Variants in SGMS2 observed in about 807,000 individuals in gnomAD.
SGMS2 encodes sphingomyelin synthase 2, also known as phosphatidylcholine:ceramide cholinephosphotransferase 2.
In SGMS2, 21 loss-of-function variants were observed where a neutral mutation model predicts 43.8. That is an observed-to-expected ratio of 0.48 (90% CI 0.34 to 0.69). The LOEUF is 0.69. Among genes scored for constraint, SGMS2 ranks in the 30% least tolerant of loss-of-function variants. The probability of loss-of-function intolerance (pLI) is 0.01; values close to 1 mark genes in which losing one functional copy is unlikely to be tolerated. For synonymous variants in SGMS2, 167 were observed against 160.6 expected, an observed-to-expected ratio of 1.04 and a Z score of -0.30; for missense variants, 384 against 443.2, an observed-to-expected ratio of 0.87 and a Z score of 1.20.
At chr4:107,890,517 A>G (rs1730115038) in intron 2 of SGMS2, among the ~76,000 whole-genome samples, 1 of 152,094 alleles carries the variant, frequency 6.6e-6, no homozygotes, top group African/African-American at 2.4e-5. Flanking sequence ...TGTACTAAAC[A>G]TACAAAAATT....
intron 2 of SGMS2, among the ~76,000 whole-genome samples, chr4:107,880,843 G>C (rs1417670674): frequency 4.8e-5 from 6 of 123,930 alleles, no homozygotes; most frequent in Non-Finnish European, 9.6e-5. Flanking sequence ...GACATAGCGA[G>C]ACTGTCTCAA....
chr4:107,865,608 A>C (rs1343996759), intron 2 of SGMS2, among the ~76,000 whole-genome samples: 1 of 152,194 alleles, frequency 6.6e-6, no homozygotes, highest in Non-Finnish European at 1.5e-5. Flanking sequence ...TTGGCCTCTG[A>C]GCTCACCCAA....
chr4:107,902,462 T>C (rs1388163229), intron 4 of SGMS2, among the ~76,000 whole-genome samples: 1 of 152,122 alleles, frequency 6.6e-6, no homozygotes, highest in Non-Finnish European at 1.5e-5. Flanking sequence ...TGCCTACAGT[T>C]TGGACCAACT....
chr4:107,901,013 A>G (rs1731069526), intron 4 of SGMS2, among the ~76,000 whole-genome samples: 1 of 152,224 alleles, frequency 6.6e-6, no homozygotes, highest in Non-Finnish European at 1.5e-5. Flanking sequence ...CACAGAAAAG[A>G]AGGCAAACCC....
chr4:107,839,936 C>T lies in SGMS2; in HGVS notation c.-327+14683C>T, dbSNP rs1245648010. Reference sequence around the variant, plus strand: ...TAAGGTGATTGTGTGTCCTGGTTCACGCTAGTCACAGTGTATACCTATTGT... The same window carrying T: ...TAAGGTGATTGTGTGTCCTGGTTCATGCTAGTCACAGTGTATACCTATTGT... On this transcript the variant is annotated intron_variant, in intron 1 of 6. Transcript: ENST00000690982. Among the ~76,000 whole-genome samples, 8 of 152,210 alleles carry T rather than the reference C, an allele frequency of 5.3e-5. No individual in the cohort carries two copies. In the East Asian group the frequency reaches 5.8e-4, roughly 11 times the overall value.
intron 2 of SGMS2, among the ~76,000 whole-genome samples, chr4:107,877,961 G>T (rs1257058276): frequency 1.4e-5 from 2 of 140,462 alleles, no homozygotes; most frequent in African/African-American, 5.6e-5. Flanking sequence ...TGTCACCCAG[G>T]CTGGAGGGCA....
At position 107,896,474 on chromosome 4, in the gene SGMS2, T is replaced by G. The variant is rs540549904; in HGVS notation, c.455+466T>G. 4.6e-5 allele frequency among the ~76,000 whole-genome samples: 7 copies of G among 152,344 alleles called. No homozygotes were observed. In the South Asian group the frequency reaches 6.2e-4, roughly 14 times the overall value. On this transcript the variant is annotated intron_variant, in intron 3 of 6. Coordinates refer to ENST00000690982, the MANE Select transcript of SGMS2 (RefSeq NM_001375905.1). ...AGAGTCAATAGCCTGCTTTAAGGTT[T>G]GCCTAGATTCAATTCTCAAATTTTA...
chr4:107,862,814 A>T (rs1727832306), intron 2 of SGMS2, among the ~76,000 whole-genome samples: 1 of 152,190 alleles, frequency 6.6e-6, no homozygotes. Context: ...TGCCAAACAC[A>T]AACAAGTTGC....
In SGMS2 at chr4:107,895,624, A is replaced by T. The variant is rs1730599625; in HGVS notation, c.71A>T (p.Tyr24Phe). Residue 24 changes from tyrosine to phenylalanine, a missense_variant, in exon 3 of 7, where the codon TAT becomes TTT. Tyr to Phe is a conservative substitution (Grantham distance 22). Coordinates refer to ENST00000690982, the MANE Select transcript of SGMS2 (RefSeq NM_001375905.1). The stretch of plus-strand genomic sequence containing the variant: ...CAACCCAGTGATCCTACGAACACTT[A>T]TGCAAGACCCGCTGAACCTGTTGAA... ...ENQPSDPTNT[Y>F]ARPAEPVEEE... The T allele has an allele frequency of 1.2e-6, 2 of 1,613,942 alleles. No individual in the cohort carries two copies. Among genetic ancestry groups the T allele is most frequent in the Admixed American group, 3.3e-5 (2 of 59,978 alleles).
rs565065397 is a variant in SGMS2, at chr4:107,912,770, T to C, written c.*2217T>C. 215 of 152,310 alleles carry C rather than the reference T, an allele frequency of 1.4e-3. No individual in the cohort carries two copies. The highest frequency in any genetic ancestry group is 5.1e-3 in the African/African-American group (211 of 41,586). The allele number at this position is 152,310 out of a possible 1,614,324, so 9.4% of individuals were successfully genotyped here. On this transcript the variant is annotated 3_prime_UTR_variant, in exon 7 of 7. Transcript: ENST00000690982. ...GGATTTTAGTCAAGTAATCCAGTTT[T>C]TTTTTAATTTAAAAAAAACCATCAC... is the stretch of plus-strand genomic sequence containing the variant.
At chr4:107,873,652 T>C in intron 2 of SGMS2, among the ~76,000 whole-genome samples, 1 of 152,098 alleles carries the variant, frequency 6.6e-6, no homozygotes. Flanking sequence ...TGAGAGAGTA[T>C]CTGACTTTTT....
chr4:107,887,214 C>CAG (rs1358774227), intron 2 of SGMS2, among the ~76,000 whole-genome samples: 2 of 152,058 alleles, frequency 1.3e-5, no homozygotes, highest in African/African-American at 4.8e-5. Context: ...TTATCAGAAA[C>CAG]CTGCATTCAG....
chr4:107,899,605 T>A lies in SGMS2; in HGVS notation c.486T>A (p.Ile162=). Residue 162 remains isoleucine (I), a synonymous_variant, in exon 4 of 7, where the codon ATT becomes ATA. Transcript: ENST00000690982. ...KSIVGRRFCF[I]IGTLYLYRCI... Reference sequence around the variant, plus strand: ...TAGTGGGACGCAGATTCTGTTTTATTATTGGAACTTTATACCTGTATCGCT... The same window carrying A: ...TAGTGGGACGCAGATTCTGTTTTATAATTGGAACTTTATACCTGTATCGCT... 6.2e-7 allele frequency: 1 copy of A among 1,612,258 alleles called. No homozygotes were observed. Among genetic ancestry groups the A allele is most frequent in the Non-Finnish European group, 8.5e-7 (1 of 1,179,304 alleles).
At chr4:107,842,421 A>G (rs562268287) in intron 1 of SGMS2, among the ~76,000 whole-genome samples, 1 of 152,304 alleles carries the variant, frequency 6.6e-6, no homozygotes, top group South Asian at 2.1e-4. Flanking sequence ...ATCTCATGTG[A>G]ACTCAAAGTG....
intron 2 of SGMS2, among the ~76,000 whole-genome samples, chr4:107,883,060 C>T (rs1298557329): frequency 6.6e-6 from 1 of 152,034 alleles, no homozygotes; most frequent in Non-Finnish European, 1.5e-5. Flanking sequence ...ACTTCATATG[C>T]ACCACAAGGC....
Position 107,913,530 on chromosome 4 carries a change from A to C in SGMS2, c.*2977A>C, listed in dbSNP as rs1732259002. ...CTTTATGACTTGGAATGCAAACACCACTTTTAAAAGCCTGTTTTCAAGTTT... is the reference window on the plus strand; with the variant it reads ...CTTTATGACTTGGAATGCAAACACCCCTTTTAAAAGCCTGTTTTCAAGTTT... On this transcript the variant is annotated 3_prime_UTR_variant, in exon 7 of 7. Transcript: ENST00000690982. 6.6e-6 allele frequency: 1 copy of C among 152,144 alleles called. No individual in the cohort carries two copies. Among genetic ancestry groups the C allele is most frequent in the African/African-American group, 2.4e-5 (1 of 41,438 alleles). The allele number at this position is 152,144 out of a possible 1,614,324, so 9.4% of individuals were successfully genotyped here.
At chr4:107,834,037 A>G (rs79952891) in intron 1 of SGMS2, among the ~76,000 whole-genome samples, 6,179 of 152,290 alleles carry the variant, frequency 0.041, 429 homozygotes, top group African/African-American at 0.14. Flanking sequence ...TAGCTCAGAG[A>G]GATCCATTTT....
chr4:107,890,187 A>G (rs1730085326), intron 2 of SGMS2, among the ~76,000 whole-genome samples: 2 of 152,196 alleles, frequency 1.3e-5, no homozygotes. Context: ...TTGTCTGTTT[A>G]CACTCTTCAA....
At chr4:107,833,415 C>A (rs768976633) in intron 1 of SGMS2, among the ~76,000 whole-genome samples, 3 of 152,120 alleles carry the variant, frequency 2.0e-5, no homozygotes, top group Non-Finnish European at 4.4e-5. Flanking sequence ...TGTTGTGTTA[C>A]ACAGCTTGAA....
Sources: gnomAD v4.1 joint callset for allele counts (sites outside exome capture counted in the v4.1 genomes callset) on GRCh38, gnomAD v4.1.1 for gene constraint, MANE v1.5 for transcripts, NCBI Gene and HGNC (gene_info 2026-07-23, HGNC 2026-07-21) for gene names.